The following TBC1D12 variants were observed in gnomAD, a reference collection of about 807,000 sequenced individuals.
The protein encoded by TBC1D12 is TBC1 domain family member 12.
TBC1D12 carries 56 observed loss-of-function variants against 86.7 expected under a neutral mutation model. The ratio of observed to expected loss-of-function variants is 0.65; its 90% confidence interval spans 0.52 to 0.81. TBC1D12 has a LOEUF of 0.81. Among genes scored for constraint, TBC1D12 ranks in the 30% least tolerant of loss-of-function variants. The pLI, the probability that TBC1D12 is intolerant of heterozygous loss-of-function variation, is 0.00. For synonymous variants in TBC1D12, 421 were observed against 411.7 expected, an observed-to-expected ratio of 1.02 and a Z score of -0.27; for missense variants, 1,023 against 1,038.8, an observed-to-expected ratio of 0.98 and a Z score of 0.21.
chr10:94,427,124 T>C (rs1273968552), intron 1 of TBC1D12, among the ~76,000 whole-genome samples: 1 of 152,224 alleles, frequency 6.6e-6, no homozygotes, highest in East Asian at 1.9e-4. Context: ...GTTTCTGTTG[T>C]ATTTATACAA....
intron 3 of TBC1D12, among the ~76,000 whole-genome samples, chr10:94,484,942 T>G (rs1057113894): frequency 6.6e-6 from 1 of 152,232 alleles, no homozygotes; most frequent in African/African-American, 2.4e-5. Flanking sequence ...TTTTTGTCTG[T>G]TGATTTTTTA....
At chr10:94,507,004 A>G (rs1166098851) in intron 6 of TBC1D12, among the ~76,000 whole-genome samples, 1 of 152,188 alleles carries the variant, frequency 6.6e-6, no homozygotes, top group Non-Finnish European at 1.5e-5. Context: ...CTGTTCCACA[A>G]TGATACTTCT....
intron 2 of TBC1D12, among the ~76,000 whole-genome samples, chr10:94,456,530 C>T (rs1182275391): frequency 1.3e-5 from 2 of 152,158 alleles, no homozygotes; most frequent in African/African-American, 4.8e-5. Flanking sequence ...GATCTGAGAG[C>T]AGACATTTTA....
chr10:94,511,893 A>G (rs1249509991), intron 9 of TBC1D12, among the ~76,000 whole-genome samples: 1 of 152,144 alleles, frequency 6.6e-6, no homozygotes, highest in Non-Finnish European at 1.5e-5. Flanking sequence ...ATAAACTTTT[A>G]TCTCATGCCC....
chr10:94,466,019 A>G (rs964942409), intron 2 of TBC1D12, among the ~76,000 whole-genome samples: 1 of 151,750 alleles, frequency 6.6e-6, no homozygotes, highest in Admixed American at 6.6e-5. Context: ...ATTAGCCACT[A>G]GAGCTTGTTT....
chr10:94,452,509 G>A (rs2055565759), intron 2 of TBC1D12, among the ~76,000 whole-genome samples: 1 of 152,114 alleles, frequency 6.6e-6, no homozygotes, highest in Admixed American at 6.5e-5. Flanking sequence ...GCCTTTTCCA[G>A]ACTATTATGT....
chr10:94,417,661 G>A (rs1326268437), intron 1 of TBC1D12, among the ~76,000 whole-genome samples: 5 of 151,664 alleles, frequency 3.3e-5, no homozygotes, highest in African/African-American at 7.3e-5. Flanking sequence ...GACTGGGACA[G>A]TATACTTATC....
At chr10:94,521,420 G>C (rs939701959) in intron 9 of TBC1D12, among the ~76,000 whole-genome samples, 9 of 151,944 alleles carry the variant, frequency 5.9e-5, no homozygotes, top group Non-Finnish European at 8.8e-5. Context: ...TTGTGTCTTA[G>C]TTCATGCTTC....
intron 1 of TBC1D12, among the ~76,000 whole-genome samples, chr10:94,441,336 A>G (rs2055378397): frequency 6.6e-6 from 1 of 152,004 alleles, no homozygotes; most frequent in Admixed American, 6.6e-5. Flanking sequence ...ATTACTGTAA[A>G]TAATATTTAT....
intron 4 of TBC1D12, among the ~76,000 whole-genome samples, chr10:94,495,339 G>T (rs1459756128): frequency 4.0e-5 from 6 of 151,862 alleles, no homozygotes; most frequent in African/African-American, 1.5e-4. Flanking sequence ...TCATTTTTTA[G>T]AAGTTATTTT....
At chr10:94,528,085 T>C (rs764937922) in intron 11 of TBC1D12, among the ~76,000 whole-genome samples, 5 of 152,108 alleles carry the variant, frequency 3.3e-5, no homozygotes, top group African/African-American at 4.8e-5. Context: ...TTATATAAAT[T>C]TTAGGATGGT....
intron 11 of TBC1D12, among the ~76,000 whole-genome samples, chr10:94,525,829 A>G (rs1176876243): frequency 2.0e-5 from 3 of 152,162 alleles, no homozygotes; most frequent in Non-Finnish European, 4.4e-5. Context: ...TAGTTGACAC[A>G]TAATAATTGT....
chr10:94,424,269 C>T (rs1042811619), intron 1 of TBC1D12, among the ~76,000 whole-genome samples: 1 of 152,112 alleles, frequency 6.6e-6, no homozygotes, highest in Non-Finnish European at 1.5e-5. Flanking sequence ...TAATTTGTGT[C>T]CCCATTGTGG....
At chr10:94,497,313 T>C in intron 5 of TBC1D12, 141 bp downstream of exon 5, 1 of 365,188 alleles carries the variant, frequency 2.7e-6, no homozygotes, top group Non-Finnish European at 5.0e-6. Context: ...TATGTATACA[T>C]GTGCCATGCT....
chr10:94,473,309 G>A (rs1381527083), intron 2 of TBC1D12, among the ~76,000 whole-genome samples: 16 of 149,568 alleles, frequency 1.1e-4, no homozygotes, highest in Non-Finnish European at 1.8e-4. Context: ...GCAGTGAGCC[G>A]AGACCATGCC....
intron 2 of TBC1D12, among the ~76,000 whole-genome samples, chr10:94,452,166 T>G (rs2055560908): frequency 6.6e-6 from 1 of 151,846 alleles, no homozygotes; most frequent in Non-Finnish European, 1.5e-5. Context: ...TCATAGCAGA[T>G]TTGAGGAGAA....
chr10:94,450,981 G>A (rs1264081339), intron 2 of TBC1D12, among the ~76,000 whole-genome samples: 3 of 152,028 alleles, frequency 2.0e-5, no homozygotes, highest in Admixed American at 2.0e-4. Flanking sequence ...TCTCATAGGA[G>A]TAAAAAATAG....
chr10:94,525,045 A>T (rs1044459410), intron 11 of TBC1D12, among the ~76,000 whole-genome samples: 2 of 152,072 alleles, frequency 1.3e-5, no homozygotes, highest in African/African-American at 2.4e-5. Context: ...TTTCACAGTT[A>T]ATAAATGGCA....
chr10:94,424,009 A>G (rs1337020350), intron 1 of TBC1D12, among the ~76,000 whole-genome samples: 1 of 152,216 alleles, frequency 6.6e-6, no homozygotes, highest in Non-Finnish European at 1.5e-5. Flanking sequence ...ATTCCCTAAA[A>G]AATATAACTA....
Sources: allele counts gnomAD v4.1 joint callset (sites outside exome capture counted in the v4.1 genomes callset), GRCh38; gene constraint gnomAD v4.1.1; transcripts MANE v1.5; gene names NCBI Gene and HGNC (gene_info 2026-07-23, HGNC 2026-07-21).